Variants in YWHAQ observed in about 807,000 individuals in gnomAD.
YWHAQ encodes the protein tyrosine 3-monooxygenase/tryptophan 5-monooxygenase activation protein theta.
Under a neutral mutation model 28.3 loss-of-function variants are expected in YWHAQ, and 6 were observed. The ratio of observed to expected loss-of-function variants is 0.21; its 90% CI spans 0.12 to 0.42. The LOEUF (loss-of-function observed/expected upper bound fraction) is 0.42. Among genes scored for constraint, YWHAQ ranks in the 10% least tolerant of loss-of-function variants. The pLI, the probability that YWHAQ is intolerant of heterozygous loss-of-function variation, is 1.00. For missense variants in YWHAQ, 201 were observed against 305.6 expected (o/e 0.66, Z 2.55); for synonymous variants, 143 against 119.1 (o/e 1.20, Z -1.31).
At chr2:9,616,290 C>T (rs566835171) in intron 2 of YWHAQ, among the ~76,000 whole-genome samples, 50 of 152,182 alleles carry the variant, frequency 3.3e-4, no homozygotes, top group Non-Finnish European at 5.0e-4. Context: ...GGACCTTTTC[C>T]TCACTCCATA....
chr2:9,623,776 A>AAAAT (rs1216012137), intron 2 of YWHAQ, among the ~76,000 whole-genome samples: 14 of 152,022 alleles, frequency 9.2e-5, no homozygotes, highest in African/African-American at 1.4e-4. Context: ...CTGTCTCAAC[A>AAAAT]AAATAAATAA....
At chr2:9,601,398 G>A (rs963458244) in intron 2 of YWHAQ, among the ~76,000 whole-genome samples, 1 of 152,144 alleles carries the variant, frequency 6.6e-6, no homozygotes, top group African/African-American at 2.4e-5. Context: ...GGCAGAGGTT[G>A]CAGTGAGCAG....
chr2:9,593,379 T>G (rs1389964419), intron 2 of YWHAQ, among the ~76,000 whole-genome samples: 2 of 152,080 alleles, frequency 1.3e-5, no homozygotes, highest in Admixed American at 6.5e-5. Context: ...CAGCTTACTT[T>G]TGTATTTTTA....
chr2:9,622,025 G>A (rs939686150), intron 2 of YWHAQ, among the ~76,000 whole-genome samples: 16 of 152,188 alleles, frequency 1.1e-4, no homozygotes, highest in African/African-American at 3.1e-4. Flanking sequence ...ATCACACAGC[G>A]GGGACTGTCA....
At chr2:9,628,065 G>A (rs901022308) in intron 2 of YWHAQ, among the ~76,000 whole-genome samples, 3 of 152,118 alleles carry the variant, frequency 2.0e-5, no homozygotes, top group East Asian at 1.9e-4. Context: ...CAAAATCCAC[G>A]GTTCTGTTTT....
rs1177749565 is a variant in YWHAQ, at chr2:9,584,411, C to T, written c.*875G>A. 7 of 152,664 alleles carry T rather than the reference C, an allele frequency of 4.6e-5. No homozygotes were observed. 9.5% of individuals were successfully genotyped at this position (152,664 alleles called of 1,614,324 possible). A position where few individuals can be genotyped will look rare whatever the true frequency, so the allele number is the denominator to read the frequency against. ...CTCTAAATAACAATCACTAGACAAA[C>T]TGGACACCCTCTCACATGTGCACAA... On this transcript the variant is annotated 3_prime_UTR_variant, in exon 6 of 6. Transcript: ENST00000238081.
At chr2:9,587,724 G>C (rs551245591) in intron 4 of YWHAQ, among the ~76,000 whole-genome samples, 44 of 152,308 alleles carry the variant, frequency 2.9e-4, no homozygotes, top group African/African-American at 9.4e-4. Context: ...AGCATGTCTT[G>C]GTTCTTTCAC....
intron 2 of YWHAQ, among the ~76,000 whole-genome samples, chr2:9,618,476 T>C (rs546263369): frequency 1.3e-5 from 2 of 152,324 alleles, no homozygotes; most frequent in South Asian, 2.1e-4. Flanking sequence ...GACTTTTCAA[T>C]ATATGTGCCT....
chr2:9,595,471 G>T (rs1183083855), intron 2 of YWHAQ, among the ~76,000 whole-genome samples: 1 of 152,062 alleles, frequency 6.6e-6, no homozygotes, highest in African/African-American at 2.4e-5. Flanking sequence ...TTGGGAGGCC[G>T]AGATGGGTGG....
intron 2 of YWHAQ, 99 bp from the exon 3 acceptor site, chr2:9,591,614 T>A (rs1427893104): frequency 7.0e-7 from 1 of 1,434,542 alleles, no homozygotes; most frequent in African/African-American, 1.4e-5. Context: ...TTCAATCATT[T>A]ACTACTACAG....
At chr2:9,619,215 T>C (rs548812176) in intron 2 of YWHAQ, among the ~76,000 whole-genome samples, 1 of 152,294 alleles carries the variant, frequency 6.6e-6, no homozygotes, top group South Asian at 2.1e-4. Context: ...AAACCTGTCC[T>C]GGACAAAAAA....
intron 4 of YWHAQ, 102 bp downstream of exon 4, chr2:9,588,063 G>C: frequency 7.3e-7 from 1 of 1,361,294 alleles, no homozygotes; most frequent in East Asian, 2.5e-5. Context: ...AAATATAGTA[G>C]AAATCATCCC....
intron 2 of YWHAQ, among the ~76,000 whole-genome samples, chr2:9,624,564 G>A (rs1339912624): frequency 1.3e-5 from 2 of 151,976 alleles, no homozygotes; most frequent in Non-Finnish European, 2.9e-5. Flanking sequence ...CCTGTGCACC[G>A]CATGATGTTT....
chr2:9,617,434 G>C (rs113361994), intron 2 of YWHAQ, among the ~76,000 whole-genome samples: 3 of 152,098 alleles, frequency 2.0e-5, no homozygotes, highest in Non-Finnish European at 4.4e-5. Context: ...CAAATTCATA[G>C]AAAGTAGAAT....
chr2:9,592,845 C>T (rs1176246200), intron 2 of YWHAQ, among the ~76,000 whole-genome samples: 4 of 152,084 alleles, frequency 2.6e-5, no homozygotes, highest in Admixed American at 6.5e-5. Flanking sequence ...GAGAATAAAA[C>T]CAGTAACAGA....
intron 2 of YWHAQ, among the ~76,000 whole-genome samples, chr2:9,605,266 T>A (rs546928218): frequency 6.6e-6 from 1 of 151,740 alleles, no homozygotes; most frequent in Non-Finnish European, 1.5e-5. Flanking sequence ...GCCTCCCAAG[T>A]AGCTGGGACC....
chr2:9,594,902 A>C (rs1050542868), intron 2 of YWHAQ, among the ~76,000 whole-genome samples: 66 of 152,198 alleles, frequency 4.3e-4, no homozygotes, highest in Admixed American at 2.3e-3. Flanking sequence ...ACTGTGGACA[A>C]AGGGCCTTCC....
At chr2:9,625,187 G>A (rs1293361989) in intron 2 of YWHAQ, among the ~76,000 whole-genome samples, 5 of 151,368 alleles carry the variant, frequency 3.3e-5, no homozygotes, top group East Asian at 2.0e-4. Flanking sequence ...GCTTAAACCC[G>A]GGAGACAGAG....
rs915919557 is a variant in YWHAQ at position 9,630,399 on chromosome 2, G to A, written c.54C>T (p.Arg18=). ...TCATGCAGGTGGCCATGTCGTCGTAGCGCTCGGCCTGCTCGGCCAGCTTGG... is the reference window on the plus strand; with the variant it reads ...TCATGCAGGTGGCCATGTCGTCGTAACGCTCGGCCTGCTCGGCCAGCTTGG... The part of the protein sequence containing the change: ...QKAKLAEQAE[R]YDDMATCMKA... Residue 18 remains arginine (R), a synonymous_variant, in exon 2 of 6, where the codon CGC becomes CGT. Transcript: ENST00000238081. The surrounding 1 kb of genome is among the most constrained non-coding windows in gnomAD (Gnocchi z 5.6). The A allele has an allele frequency of 6.2e-7, 1 of 1,613,708 alleles. No individual in the cohort carries two copies. Among genetic ancestry groups the A allele is most frequent in the East Asian group, 2.2e-5 (1 of 44,864 alleles).
Sources: gnomAD v4.1 joint callset for allele counts (sites outside exome capture counted in the v4.1 genomes callset) on GRCh38, gnomAD v4.1.1 for gene constraint, Gnocchi (gnomAD v3.1) non-coding constraint, MANE v1.5 for transcripts, NCBI Gene and HGNC (gene_info 2026-07-23, HGNC 2026-07-21) for gene names.